SLC30A2: variants seen among roughly 807,000 people sequenced by gnomAD.
SLC30A2 encodes solute carrier family 30 member 2.
A neutral mutation model predicts 39.6 loss-of-function variants in SLC30A2; 19 were observed. The ratio of observed to expected loss-of-function variants is 0.48; its 90% CI spans 0.34 to 0.70. SLC30A2 has a LOEUF of 0.70. Among genes scored for constraint, SLC30A2 ranks in the 30% least tolerant of loss-of-function variants. SLC30A2 has a pLI of 0.01. For synonymous variants in SLC30A2, 195 were observed against 194.8 expected (o/e 1.00, Z -0.01); for missense variants, 387 against 479.4 (o/e 0.81, Z 1.80).
chr1:26,039,383 C>T lies in SLC30A2; in HGVS notation c.974-78G>A, dbSNP rs1390115859. 2.0e-5 allele frequency: 22 copies of T among 1,098,750 alleles called. No homozygotes were observed. The highest frequency in any genetic ancestry group is 1.2e-4 in the Admixed American group (6 of 50,982). 68.1% of individuals were successfully genotyped at this position (1,098,750 alleles called of 1,614,324 possible). A position where few individuals can be genotyped will look rare whatever the true frequency, so the allele number is the denominator to read the frequency against. ...ACCATCAGGAGCCCAAATCTCATAC[C>T]CCATCCCCAGCAGAACAGGATGGGG... is the stretch of plus-strand genomic sequence containing the variant. On this transcript the variant is annotated intron_variant, in intron 7 of 7. Coordinates refer to ENST00000374276, the MANE Select transcript of SLC30A2 (RefSeq NM_001004434.3). This position sits in a 1 kb window ranked among gnomAD's most constrained non-coding sequence, Gnocchi z 4.3.
At position 26,042,542 on chromosome 1, in the gene SLC30A2, C is replaced by G. The variant is rs760780704; in HGVS notation, c.732+7G>C. On this transcript the variant is annotated splice_region_variant and intron_variant, in intron 5 of 7. Coordinates refer to ENST00000374276, the MANE Select transcript of SLC30A2 (RefSeq NM_001004434.3). ...CCACCCCCACCACCCTGTGTCCCAG[C>G]TCTGACCTTGAAGTATAAAATATAG... The G allele has an allele frequency of 6.2e-7, 1 of 1,612,110 alleles. No individual in the cohort carries two copies. Among genetic ancestry groups the G allele is most frequent in the South Asian group, 1.1e-5 (1 of 90,978 alleles).
chr1:26,040,774 A>G (rs1041377604), intron 6 of SLC30A2, among the ~76,000 whole-genome samples: 10 of 151,916 alleles, frequency 6.6e-5, no homozygotes, highest in Admixed American at 1.3e-4. Flanking sequence ...CTGGCCCAAG[A>G]CCCCAGGCCT....
chr1:26,045,715 T>C, intron 1 of SLC30A2, 132 bp downstream of exon 1: 1 of 1,448,510 alleles, frequency 6.9e-7, no homozygotes, highest in Middle Eastern at 1.8e-4. Context: ...CTTCGTTCCC[T>C]CACCTCACCC....
rs748607852 is a variant in SLC30A2, at chr1:26,042,704, C to G, written c.577G>C (p.Gly193Arg). 36 of 1,613,776 alleles carry G rather than the reference C, an allele frequency of 2.2e-5. No individual in the cohort carries two copies. Among genetic ancestry groups the G allele is most frequent in the Admixed American group, 1.2e-4 (7 of 59,980 alleles). ...GCAVAVNIIMGLTLHQSGHGH... is the reference protein window; with the variant it reads ...GCAVAVNIIMRLTLHQSGHGH... Reference sequence around the variant, plus strand: ...TGGCCAGACTGGTGAAGGGTCAACCCCATTCTATGGAAGTGGAGACAAAGC... The same window carrying G: ...TGGCCAGACTGGTGAAGGGTCAACCGCATTCTATGGAAGTGGAGACAAAGC... Residue 193 changes from glycine (G) to arginine (R), a missense_variant, in exon 5 of 8, where the codon GGG becomes CGG. Physicochemically the swap from Gly to Arg is moderately radical, Grantham distance 125. Coordinates refer to ENST00000374276, the MANE Select transcript of SLC30A2 (RefSeq NM_001004434.3).
chr1:26,045,987 A>C lies in SLC30A2; in HGVS notation c.-91T>G. 6.4e-7 allele frequency: 1 copy of C among 1,550,394 alleles called. No homozygotes were observed. Among genetic ancestry groups the C allele is most frequent in the Non-Finnish European group, 8.6e-7 (1 of 1,157,216 alleles). On this transcript the variant is annotated 5_prime_UTR_variant, in exon 1 of 8. Coordinates refer to ENST00000374276, the MANE Select transcript of SLC30A2 (RefSeq NM_001004434.3). Reference sequence around the variant, plus strand: ...GCGGGACTCCGGGTGGCGCTCACCCACCTGCCCCGAGGGCCCCGCGAGGTG... The same window carrying C: ...GCGGGACTCCGGGTGGCGCTCACCCCCCTGCCCCGAGGGCCCCGCGAGGTG...
chr1:26,042,326 C>A (rs1207052373), intron 5 of SLC30A2, among the ~76,000 whole-genome samples: 7 of 152,218 alleles, frequency 4.6e-5, no homozygotes, highest in African/African-American at 1.2e-4. Flanking sequence ...AGTCACTGAA[C>A]CTTTCTGAGC....
intron 3 of SLC30A2, 44 bp downstream of exon 3, chr1:26,044,254 A>C (rs1569706678): frequency 6.2e-7 from 1 of 1,605,548 alleles, no homozygotes; most frequent in Non-Finnish European, 8.5e-7. Context: ...GTTCTAACCC[A>C]CCCTCTCTCT....
At chr1:26,040,827 C>T (rs1488896219) in intron 6 of SLC30A2, among the ~76,000 whole-genome samples, 1 of 151,914 alleles carries the variant, frequency 6.6e-6, no homozygotes, top group Non-Finnish European at 1.5e-5. Flanking sequence ...TGTGGTGGCT[C>T]ACATCTGTAA....
chr1:26,042,180 A>C (rs2050405402), intron 5 of SLC30A2, among the ~76,000 whole-genome samples: 1 of 152,262 alleles, frequency 6.6e-6, no homozygotes, highest in East Asian at 1.9e-4. Flanking sequence ...AGGAGAGCCA[A>C]GCTTCAGAGC....
chr1:26,039,140 G>A lies in SLC30A2; in HGVS notation c.*20C>T, dbSNP rs2050370942. On this transcript the variant is annotated 3_prime_UTR_variant, in exon 8 of 8. Transcript: ENST00000374276. The surrounding 1 kb of genome is among the most constrained non-coding windows in gnomAD (Gnocchi z 4.3). ...ACCTGCAGGTCCTGTTCATGCCCCA[G>A]TTGGTGCCTGGCTGAGCAGTCAGTC... The A allele has an allele frequency of 6.2e-7, 1 of 1,610,532 alleles. No homozygotes were observed. Among genetic ancestry groups the A allele is most frequent in the Non-Finnish European group, 8.5e-7 (1 of 1,177,200 alleles).
At chr1:26,042,738 C>A (rs759562477) in intron 4 of SLC30A2, 30 bp from the exon 5 acceptor site, 1 of 1,606,058 alleles carries the variant, frequency 6.2e-7, no homozygotes. Context: ...GCCAAGGGCT[C>A]ACTGAGGTCG....
rs373563894 is a variant in SLC30A2, at chr1:26,043,547, G to T, written c.423C>A (p.Ile141=). 1 of 1,613,230 alleles carries T rather than the reference G, an allele frequency of 6.2e-7. No individual in the cohort carries two copies. Residue 141 remains isoleucine (I), a synonymous_variant, in exon 4 of 8, where the codon ATC becomes ATA. Coordinates refer to ENST00000374276, the MANE Select transcript of SLC30A2 (RefSeq NM_001004434.3). ...TMNFGWQRAE[I]LGALVSVLSI... The stretch of plus-strand genomic sequence containing the variant: ...ACAGTACAGAGACCAGGGCTCCCAA[G>T]ATCTCTGAGGAAGAACCCAACCCCA...
chr1:26,041,724 C>T lies in SLC30A2; in HGVS notation c.814G>A (p.Asp272Asn). The change falls in exon 6 of 8, where the codon GAT becomes AAT. Residue 272 changes from aspartate (D) to asparagine (N), a missense_variant. Physicochemically the swap from Asp to Asn is conservative, Grantham distance 23 (BLOSUM62 1). Coordinates refer to ENST00000374276, the MANE Select transcript of SLC30A2 (RefSeq NM_001004434.3). The stretch of plus-strand genomic sequence containing the variant: ...CCTTCCATCAACACCAGGATCACAT[C>T]TCTCAGGATGGTCAAGGTTGTCCCC... The part of the protein sequence containing the change: ...VLGTTLTILR[D>N]VILVLMEGTP... 1 of 1,612,884 alleles carries T rather than the reference C, an allele frequency of 6.2e-7. No individual in the cohort carries two copies. The highest frequency in any genetic ancestry group is 1.3e-5 in the African/African-American group (1 of 75,010).
rs572655150 is a variant in SLC30A2 at position 26,046,076 on chromosome 1, C to T, written c.-180G>A. 36 of 1,322,266 alleles carry T rather than the reference C, an allele frequency of 2.7e-5. No homozygotes were observed. The African/African-American group carries it at 5.1e-4, about 19-fold the overall frequency. The allele number at this position is 1,322,266 out of a possible 1,614,324, so 81.9% of individuals were successfully genotyped here. A position where few individuals can be genotyped will look rare whatever the true frequency, so the allele number is the denominator to read the frequency against. ...CCCGGCTCCCGCTGCGGCTGCAGCT[C>T]CGGCTCTGGCTCCGCGTGCCAAGCG... On this transcript the variant is annotated 5_prime_UTR_variant, in exon 1 of 8. Coordinates refer to ENST00000374276, the MANE Select transcript of SLC30A2 (RefSeq NM_001004434.3). The surrounding 1 kb of genome is among the most constrained non-coding windows in gnomAD (Gnocchi z 4.4).
chr1:26,043,803 G>C (rs1391885971), intron 3 of SLC30A2, among the ~76,000 whole-genome samples: 1 of 152,156 alleles, frequency 6.6e-6, no homozygotes, highest in African/African-American at 2.4e-5. Context: ...ATGTAAAGAA[G>C]CTGACTTATT....
intron 4 of SLC30A2, among the ~76,000 whole-genome samples, 167 bp from the exon 5 acceptor site, chr1:26,042,875 A>C (rs947342575): frequency 1.3e-5 from 2 of 152,184 alleles, no homozygotes; most frequent in Non-Finnish European, 2.9e-5. Flanking sequence ...CAGCCATGAG[A>C]GATAGGGCCC....
Position 26,038,947 on chromosome 1 carries a change from T to C in SLC30A2, c.*213A>G. 7.8e-7 allele frequency: 1 copy of C among 1,288,442 alleles called. No homozygotes were observed. The highest frequency in any genetic ancestry group is 3.2e-5 in the Admixed American group (1 of 30,916). The allele number at this position is 1,288,442 out of a possible 1,614,324, so 79.8% of individuals were successfully genotyped here. A position where few individuals can be genotyped will look rare whatever the true frequency, so the allele number is the denominator to read the frequency against. ...TGGCCCAGGAGCTGGAAGAGCAGGG[T>C]CACACTAGCTTTATACCCGCTGAGT... On this transcript the variant is annotated 3_prime_UTR_variant, in exon 8 of 8. Transcript: ENST00000374276.
Position 26,042,702 on chromosome 1 carries a change from C to T in SLC30A2, c.579G>A (p.Gly193=), listed in dbSNP as rs1300126827. The T allele has an allele frequency of 1.2e-6, 2 of 1,613,910 alleles. No individual in the cohort carries two copies. The highest frequency in any genetic ancestry group is 8.5e-7 in the Non-Finnish European group (1 of 1,179,888). ...CATGGCCAGACTGGTGAAGGGTCAA[C>T]CCCATTCTATGGAAGTGGAGACAAA... ...GCAVAVNIIM[G]LTLHQSGHGH... is the part of the protein sequence containing the mutation. The change falls in exon 5 of 8, where the codon GGG becomes GGA. Residue 193 remains glycine, a synonymous_variant. Coordinates refer to ENST00000374276, the MANE Select transcript of SLC30A2 (RefSeq NM_001004434.3).
At position 26,045,039 on chromosome 1, in the gene SLC30A2, C is replaced by A; in HGVS notation, c.229G>T (p.Ala77Ser). ...ATGAACAACAGGCAGATGGCAGAGG[C>A]TACATACAGCTGGCGCTGGGCCTTC... is the stretch of plus-strand genomic sequence containing the variant. ...KGKAQRQLYVASAICLLFMIG... is the reference protein window; with the variant it reads ...KGKAQRQLYVSSAICLLFMIG... The change falls in exon 2 of 8, where the codon GCC becomes TCC. Residue 77 changes from alanine to serine, a missense_variant. Ala to Ser is a moderately conservative substitution (Grantham distance 99). Transcript: ENST00000374276. The A allele has an allele frequency of 3.1e-6, 5 of 1,614,234 alleles. No homozygotes were observed. The highest frequency in any genetic ancestry group is 4.2e-6 in the Non-Finnish European group (5 of 1,180,044).
Sources: gnomAD v4.1 joint callset for allele counts (sites outside exome capture counted in the v4.1 genomes callset) on GRCh38, gnomAD v4.1.1 for gene constraint, Gnocchi (gnomAD v3.1) non-coding constraint, MANE v1.5 for transcripts, NCBI Gene and HGNC (gene_info 2026-07-23, HGNC 2026-07-21) for gene names.